The following EYS variants were observed in gnomAD, a reference collection of about 807,000 sequenced individuals.
The protein encoded by EYS is EGF-like photoreceptor maintenance factor.
Under a neutral mutation model 282.1 loss-of-function variants are expected in EYS, and 250 were observed. The observed-to-expected ratio is 0.89, with a 90% CI of 0.80 to 0.98. The LOEUF (loss-of-function observed/expected upper bound fraction) is 0.98, where lower values mean the gene tolerates loss of function less well. Among genes scored for constraint, EYS ranks in the 50% least tolerant of loss-of-function variants. EYS has a pLI of 0.00. For synonymous variants in EYS, 1,355 were observed against 1,282.9 expected (o/e 1.06, Z -1.20); for missense variants, 4,016 against 3,709.0 (o/e 1.08, Z -2.15).
chr6:64,757,212 C>G (rs1772969198), intron 22 of EYS, among the ~76,000 whole-genome samples: 1 of 152,042 alleles, frequency 6.6e-6, no homozygotes, highest in South Asian at 2.1e-4. Context: ...AAATGTGCTT[C>G]CTTATCATCT....
intron 29 of EYS, among the ~76,000 whole-genome samples, chr6:64,373,276 T>C (rs1053210100): frequency 3.3e-5 from 5 of 152,282 alleles, no homozygotes; most frequent in South Asian, 2.1e-4. Flanking sequence ...TTGATTATGG[T>C]ATAGGTGTGC....
intron 35 of EYS, among the ~76,000 whole-genome samples, chr6:63,869,975 A>G (rs1295863979): frequency 6.6e-6 from 1 of 152,166 alleles, no homozygotes; most frequent in African/African-American, 2.4e-5. Context: ...CAATTTCATA[A>G]TAAATTTTTC....
intron 41 of EYS, among the ~76,000 whole-genome samples, chr6:63,748,142 C>A (rs796244569): frequency 2.0e-4 from 30 of 152,246 alleles, no homozygotes; most frequent in African/African-American, 7.0e-4. Context: ...AAAGGCAGGC[C>A]TGGTGGTGAC....
intron 22 of EYS, among the ~76,000 whole-genome samples, chr6:64,806,358 GT>G (rs1300596535): frequency 1.4e-4 from 21 of 151,902 alleles, no homozygotes; most frequent in Admixed American, 1.0e-3. Flanking sequence ...TTATTTTGGA[GT>G]TTTTTATCTA....
chr6:63,909,856 AC>A (rs1773873484), intron 35 of EYS, among the ~76,000 whole-genome samples: 1 of 152,214 alleles, frequency 6.6e-6, no homozygotes, highest in Non-Finnish European at 1.5e-5. Flanking sequence ...TCTAATAAGC[AC>A]TGAAGTTTGA....
At chr6:64,810,255 T>A (rs1242083775) in intron 22 of EYS, among the ~76,000 whole-genome samples, 2 of 152,110 alleles carry the variant, frequency 1.3e-5, no homozygotes, top group Non-Finnish European at 2.9e-5. Context: ...GTTCTCTATA[T>A]GTCAGTCATT....
At position 65,171,613 on chromosome 6, in the gene EYS, G is replaced by A. The variant is rs1026207862; in HGVS notation, c.2024-113886C>T. 3.0e-4 allele frequency among the ~76,000 whole-genome samples: 46 copies of A among 151,294 alleles called. 1 individual carries two copies. Among genetic ancestry groups the A allele is most frequent in the African/African-American group, 1.1e-3 (44 of 41,236 alleles). The stretch of plus-strand genomic sequence containing the variant: ...TCGTTTCTGGTGCTAAAATGGAACT[G>A]GTGATGACAACAGTTCACACCAAGA... On this transcript the variant is annotated intron_variant, in intron 12 of 42. Coordinates refer to ENST00000503581, the MANE Select transcript of EYS (RefSeq NM_001142800.2).
intron 29 of EYS, among the ~76,000 whole-genome samples, chr6:64,319,224 A>T (rs115956089): frequency 1.3e-5 from 2 of 152,030 alleles, no homozygotes; most frequent in African/African-American, 4.8e-5. Flanking sequence ...GAAATAGTCA[A>T]TTGGTATTAC....
intron 31 of EYS, among the ~76,000 whole-genome samples, chr6:64,152,129 C>G (rs1774761898): frequency 6.6e-6 from 1 of 152,040 alleles, no homozygotes; most frequent in African/African-American, 2.4e-5. Context: ...TCCAAGAAAA[C>G]TTTTTGAATA....
chr6:64,328,618 G>T (rs551652228), intron 29 of EYS, among the ~76,000 whole-genome samples: 1 of 152,150 alleles, frequency 6.6e-6, no homozygotes, highest in Non-Finnish European at 1.5e-5. Context: ...GACATAAAGC[G>T]AAAGCTTCAG....
chr6:65,241,728 A>G (rs908281537), intron 12 of EYS, among the ~76,000 whole-genome samples: 1 of 152,008 alleles, frequency 6.6e-6, no homozygotes, highest in African/African-American at 2.4e-5. Context: ...TTTTCCTACA[A>G]AGTTGGAGGG....
At chr6:65,216,687 TA>T (rs1055163837) in intron 12 of EYS, among the ~76,000 whole-genome samples, 1 of 151,710 alleles carries the variant, frequency 6.6e-6, no homozygotes, top group Non-Finnish European at 1.5e-5. Flanking sequence ...AAAATAATTT[TA>T]AAATGATGTG....
chr6:64,557,575 TA>T (rs1020814575), intron 26 of EYS, among the ~76,000 whole-genome samples: 8 of 152,112 alleles, frequency 5.3e-5, no homozygotes, highest in African/African-American at 1.7e-4. Context: ...AATATATTTT[TA>T]AAAAGGTTAA....
intron 21 of EYS, chr6:64,815,357 T>C (rs1764716780): frequency 7.2e-6 from 2 of 276,902 alleles, no homozygotes. Context: ...CCTAACTCTG[T>C]TTCTAGATAT....
intron 2 of EYS, among the ~76,000 whole-genome samples, chr6:65,501,140 G>A (rs941750261): frequency 1.3e-5 from 2 of 151,652 alleles, no homozygotes. Flanking sequence ...TGTCTTCTGT[G>A]AAGTGAAATC....
rs1768315629 is a variant in EYS, at chr6:63,720,118, C to A, written c.*478G>T. Reference sequence around the variant, plus strand: ...ATCATATAAATAAGTTGTAGCTAAGCCATGTAATACAATATGGTTACATTG... The same window carrying A: ...ATCATATAAATAAGTTGTAGCTAAGACATGTAATACAATATGGTTACATTG... On this transcript the variant is annotated 3_prime_UTR_variant, in exon 43 of 43. Coordinates refer to ENST00000503581, the MANE Select transcript of EYS (RefSeq NM_001142800.2). 6.3e-6 allele frequency: 1 copy of A among 159,688 alleles called. No individual in the cohort carries two copies. Among genetic ancestry groups the A allele is most frequent in the South Asian group, 2.0e-4 (1 of 4,902 alleles). The allele number at this position is 159,688 out of a possible 1,614,324, so 9.9% of individuals were successfully genotyped here.
chr6:64,741,284 A>AT (rs1562165619), intron 22 of EYS, among the ~76,000 whole-genome samples: 1 of 151,964 alleles, frequency 6.6e-6, no homozygotes, highest in South Asian at 2.1e-4. Context: ...AATATTTTTA[A>AT]TTTTTTTTCT....
chr6:64,861,173 G>T (rs1766224679), intron 19 of EYS, among the ~76,000 whole-genome samples: 1 of 152,202 alleles, frequency 6.6e-6, no homozygotes, highest in South Asian at 2.1e-4. Context: ...TGGCAGGCCA[G>T]TGCGGAACTG....
chr6:65,004,627 G>T lies in EYS; in HGVS notation c.2138-6924C>A, dbSNP rs572307350. On this transcript the variant is annotated intron_variant, in intron 13 of 42. Transcript: ENST00000503581. ...CATTCTCACAAGAATCACTAGCTTT[G>T]CAAGGTCCAAATTCACAGTGATAAC... is the stretch of plus-strand genomic sequence containing the variant. Among the ~76,000 whole-genome samples the T allele has an allele frequency of 2.6e-4, 39 of 147,822 alleles. 3 individuals are homozygous for T. The South Asian group carries it at 3.1e-3, about 12-fold the overall frequency.
Sources: allele counts gnomAD v4.1 joint callset (sites outside exome capture counted in the v4.1 genomes callset), GRCh38; gene constraint gnomAD v4.1.1; transcripts MANE v1.5; gene names NCBI Gene and HGNC (gene_info 2026-07-23, HGNC 2026-07-21).